Variants in CYP4B1 observed in about 807,000 individuals in gnomAD.
The protein encoded by CYP4B1 is cytochrome P450 4B1.
CYP4B1 carries 45 observed loss-of-function variants against 54.0 expected under a neutral mutation model. The ratio of observed to expected loss-of-function variants is 0.83; its 90% CI spans 0.66 to 1.07. The LOEUF is 1.07. Among genes scored for constraint, CYP4B1 ranks in the 50% least tolerant of loss-of-function variants. The pLI is 0.00. For synonymous variants in CYP4B1, 248 were observed against 247.5 expected (o/e 1.00, Z -0.02); for missense variants, 656 against 655.4 (o/e 1.00, Z -0.01).
intron 7 of CYP4B1, chr1:46,814,718 C>G (rs1392128567): frequency 5.6e-6 from 2 of 354,346 alleles, no homozygotes; most frequent in East Asian, 1.3e-4. Flanking sequence ...ATGGGAAAGA[C>G]CTGGCCCTTC....
chr1:46,818,270 C>T, intron 11 of CYP4B1, 57 bp downstream of exon 11: 6 of 1,468,526 alleles, frequency 4.1e-6, no homozygotes, highest in Non-Finnish European at 5.7e-6. Context: ...GGGTGGATGA[C>T]ATCATAGGGG....
intron 3 of CYP4B1, chr1:46,812,181 A>G (rs978229457): frequency 3.9e-6 from 2 of 506,902 alleles, no homozygotes; most frequent in Non-Finnish European, 7.7e-6. Context: ...CCCCAGGGGG[A>G]TGCGTGTCCT....
chr1:46,800,950 C>T (rs373302461), intron 1 of CYP4B1, among the ~76,000 whole-genome samples: 1 of 152,154 alleles, frequency 6.6e-6, no homozygotes, highest in Non-Finnish European at 1.5e-5. Flanking sequence ...AGGATTCTGC[C>T]TTAGCCGCAT....
At position 46,810,942 on chromosome 1, in the gene CYP4B1, C is replaced by A. The variant is rs928666636; in HGVS notation, c.315C>A (p.Ser105Arg). Residue 105 changes from serine to arginine, a missense_variant, in exon 2 of 12, where the codon AGC becomes AGA. Coordinates refer to ENST00000371923, the MANE Select transcript of CYP4B1 (RefSeq NM_001099772.2). ...YEPDYAKAVY[S>R]RGDPKAPDVY... ...CTGACTATGCCAAAGCTGTGTACAGCCGTGGGGGTGAGGAGAGAGGATGGG... is the reference window on the plus strand; with the variant it reads ...CTGACTATGCCAAAGCTGTGTACAGACGTGGGGGTGAGGAGAGAGGATGGG... 4 of 1,613,792 alleles carry A rather than the reference C, an allele frequency of 2.5e-6. No individual in the cohort carries two copies. The African/African-American group carries it at 4.0e-5, about 16-fold the overall frequency.
chr1:46,811,074 T>C (rs1344085737), intron 2 of CYP4B1, 66 bp from the exon 3 acceptor site: 7 of 1,604,700 alleles, frequency 4.4e-6, no homozygotes, highest in East Asian at 2.2e-5. Flanking sequence ...GTTCCCACCC[T>C]ACTCATAAAT....
intron 7 of CYP4B1, 194 bp from the exon 8 acceptor site, chr1:46,814,880 G>A: frequency 1.7e-6 from 1 of 596,404 alleles, no homozygotes; most frequent in Non-Finnish European, 3.0e-6. Flanking sequence ...TTTAGGGAGG[G>A]CTTTGTGGAG....
intron 1 of CYP4B1, among the ~76,000 whole-genome samples, chr1:46,800,327 C>T (rs10157755): frequency 0.71 from 74,551 of 105,432 alleles, 30,097 homozygotes; most frequent in Admixed American, 0.81. Context: ...TTCTCTCTCT[C>T]TCTTTCTTTC....
At chr1:46,810,033 G>A (rs933820582) in intron 1 of CYP4B1, among the ~76,000 whole-genome samples, 10 of 152,138 alleles carry the variant, frequency 6.6e-5, no homozygotes, top group Non-Finnish European at 1.2e-4. Context: ...CCACCATGGG[G>A]CAGCTCCTGG....
chr1:46,799,940 A>G (rs941548465), intron 1 of CYP4B1, among the ~76,000 whole-genome samples: 2 of 152,184 alleles, frequency 1.3e-5, no homozygotes, highest in Admixed American at 1.3e-4. Flanking sequence ...CTAATTAGAC[A>G]CAGGGCAGGG....
intron 1 of CYP4B1, among the ~76,000 whole-genome samples, chr1:46,809,804 C>T (rs891785482): frequency 1.3e-5 from 2 of 152,180 alleles, no homozygotes; most frequent in Non-Finnish European, 1.5e-5. Flanking sequence ...TAGTGAAATA[C>T]TACACAACTG....
In CYP4B1 at chr1:46,808,143, G is replaced by A. The variant is rs540526251; in HGVS notation, c.181-2665G>A. On this transcript the variant is annotated intron_variant, in intron 1 of 11. Coordinates refer to ENST00000371923, the MANE Select transcript of CYP4B1 (RefSeq NM_001099772.2). Reference sequence around the variant, plus strand: ...AGGAAAGGAGAAAGAGAGAGAGAGAGAGAGAGGTGCCAGACTCTTTTTAAC... The same window carrying A: ...AGGAAAGGAGAAAGAGAGAGAGAGAAAGAGAGGTGCCAGACTCTTTTTAAC... Among the ~76,000 whole-genome samples, 43 of 152,288 alleles carry A rather than the reference G, an allele frequency of 2.8e-4. No individual in the cohort carries two copies. In the East Asian group the frequency reaches 4.6e-3, roughly 16 times the overall value.
intron 1 of CYP4B1, among the ~76,000 whole-genome samples, chr1:46,804,200 G>C (rs1056281757): frequency 2.6e-5 from 4 of 152,236 alleles, no homozygotes; most frequent in Middle Eastern, 3.4e-3. Context: ...CACTGGGAGA[G>C]AGGGGAGGAC....
chr1:46,814,531 T>C (rs1405961377), intron 7 of CYP4B1, among the ~76,000 whole-genome samples: 2 of 152,076 alleles, frequency 1.3e-5, no homozygotes. Flanking sequence ...CTAGGTCACG[T>C]GGTAGTGGCT....
intron 8 of CYP4B1, chr1:46,815,504 C>T: frequency 2.6e-6 from 1 of 379,658 alleles, no homozygotes; most frequent in East Asian, 4.0e-5. Flanking sequence ...AAGTTGTCAA[C>T]AAGAGGCTGA....
rs190934191 is a variant in CYP4B1, at chr1:46,799,637, G to A, written c.180+376G>A. The stretch of plus-strand genomic sequence containing the variant: ...GCAATCCATTGAAAGCTCAATCAGC[G>A]TCCGTGTTGTTGTGTGTAGTGTAAA... On this transcript the variant is annotated intron_variant, in intron 1 of 11. Coordinates refer to ENST00000371923, the MANE Select transcript of CYP4B1 (RefSeq NM_001099772.2). Among the ~76,000 whole-genome samples, 55 of 152,330 alleles carry A rather than the reference G, an allele frequency of 3.6e-4. No individual in the cohort carries two copies. In the East Asian group the frequency reaches 4.2e-3, roughly 12 times the overall value.
Position 46,813,921 on chromosome 1 carries a change from C to A in CYP4B1, c.633C>A (p.Ser211Arg). 1 of 1,614,134 alleles carries A rather than the reference C, an allele frequency of 6.2e-7. No homozygotes were observed. Residue 211 changes from serine to arginine, a missense_variant, in exon 6 of 12, where the codon AGC (serine) becomes AGA (arginine). Ser to Arg is a moderately radical substitution (Grantham distance 110, BLOSUM62 -1). Transcript: ENST00000371923. ...ACCCTCTGCTTAGCAGGGACAGCAGCTACTACCTTGCAGTCAGCGATCTCA... is the reference window on the plus strand; with the variant it reads ...ACCCTCTGCTTAGCAGGGACAGCAGATACTACCTTGCAGTCAGCGATCTCA... ...DTGLGHSRDS[S>R]YYLAVSDLTL...
chr1:46,804,420 G>C (rs1281047889), intron 1 of CYP4B1, among the ~76,000 whole-genome samples: 1 of 151,552 alleles, frequency 6.6e-6, no homozygotes, highest in Admixed American at 6.6e-5. Context: ...GGGAGGTTTG[G>C]TTTCATTTTC....
chr1:46,800,313 CTCTT>C lies in CYP4B1; in HGVS notation c.180+1056_180+1059del, dbSNP rs1173011328. Among the ~76,000 whole-genome samples, 50 of 132,942 alleles carry C rather than the reference CTCTT, an allele frequency of 3.8e-4. 6 individuals are homozygous for C. The highest frequency in any genetic ancestry group is 6.9e-4 in the Non-Finnish European group (43 of 62,468). 87.2% of individuals were successfully genotyped at this position (132,942 alleles called of 152,430 possible). A position where few individuals can be genotyped will look rare whatever the true frequency, so the allele number is the denominator to read the frequency against. ...TCCTTCCTTCCTTCTTTCCTTCCTTCTCTTTCTCTCTCTCTCTTTCTTTCTTTCT... is the reference window on the plus strand; with the variant it reads ...TCCTTCCTTCCTTCTTTCCTTCCTTCTCTCTCTCTCTCTTTCTTTCTTTCT... On this transcript the variant is annotated intron_variant, in intron 1 of 11. Transcript: ENST00000371923.
At chr1:46,804,839 C>G (rs1485828876) in intron 1 of CYP4B1, among the ~76,000 whole-genome samples, 1 of 152,192 alleles carries the variant, frequency 6.6e-6, no homozygotes, top group East Asian at 1.9e-4. Flanking sequence ...GAAGGCATTT[C>G]TGCTGATCTT....
Sources: allele counts gnomAD v4.1 joint callset (sites outside exome capture counted in the v4.1 genomes callset), GRCh38; gene constraint gnomAD v4.1.1; transcripts MANE v1.5; gene names NCBI Gene and HGNC (gene_info 2026-07-23, HGNC 2026-07-21).